The following SLC25A37 variants were observed in gnomAD, a reference collection of about 807,000 sequenced individuals.
SLC25A37 encodes the protein solute carrier family 25 member 37, also known as mitoferrin-1.
Under a neutral mutation model 31.0 loss-of-function variants are expected in SLC25A37, and 17 were observed. The observed-to-expected ratio is 0.55, with a 90% confidence interval of 0.38 to 0.82. The LOEUF (loss-of-function observed/expected upper bound fraction) is 0.82, where lower values mean the gene tolerates loss of function less well. SLC25A37 is among the 40% of genes least tolerant of loss of function. SLC25A37 has a pLI of 0.00. For synonymous variants in SLC25A37, 222 were observed against 193.0 expected (o/e 1.15, Z -1.24); for missense variants, 404 against 465.8 (o/e 0.87, Z 1.22).
intron 1 of SLC25A37, among the ~76,000 whole-genome samples, chr8:23,564,738 G>A (rs1423301270): frequency 6.6e-6 from 1 of 152,150 alleles, no homozygotes; most frequent in Non-Finnish European, 1.5e-5. Context: ...GGTCCTAGCA[G>A]ACAGAAACCA....
rs1802889433 is a variant in SLC25A37 at position 23,572,494 on chromosome 8, A to G, written c.*639A>G. On this transcript the variant is annotated 3_prime_UTR_variant, in exon 4 of 4. Transcript: ENST00000519973. ...GTGAATGTGGCCGGCAGCTGTGTTT[A>G]GCCCCTCCAGATGGAAGTTTCACTT... The G allele has an allele frequency of 6.6e-6, 1 of 152,610 alleles. No homozygotes were observed. Among genetic ancestry groups the G allele is most frequent in the Non-Finnish European group, 1.5e-5 (1 of 68,042 alleles). The allele number at this position is 152,610 out of a possible 1,614,324, so 9.5% of individuals were successfully genotyped here.
intron 1 of SLC25A37, chr8:23,531,550 A>T (rs1454347031): frequency 1.3e-5 from 2 of 152,240 alleles, no homozygotes; most frequent in African/African-American, 4.8e-5. Context: ...GAATTATTAC[A>T]GCTGAAAACA....
At chr8:23,547,389 T>C (rs1802096987) in intron 1 of SLC25A37, among the ~76,000 whole-genome samples, 1 of 152,178 alleles carries the variant, frequency 6.6e-6, no homozygotes, top group Non-Finnish European at 1.5e-5. Flanking sequence ...TTAGGGTGAA[T>C]TGTAATTAGC....
At position 23,572,315 on chromosome 8, in the gene SLC25A37, T is replaced by C. The variant is rs1802882658; in HGVS notation, c.*460T>C. The C allele has an allele frequency of 6.5e-6, 1 of 154,732 alleles. No individual in the cohort carries two copies. The highest frequency in any genetic ancestry group is 1.4e-5 in the Non-Finnish European group (1 of 69,886). The allele number at this position is 154,732 out of a possible 1,614,324, so 9.6% of individuals were successfully genotyped here. A position where few individuals can be genotyped will look rare whatever the true frequency, so the allele number is the denominator to read the frequency against. ...GGATAATGTTTATCCTTTATTTTTC[T>C]ATGTAGAAGTTTTTGAATTTGTGTG... is the stretch of plus-strand genomic sequence containing the variant. On this transcript the variant is annotated 3_prime_UTR_variant, in exon 4 of 4. Coordinates refer to ENST00000519973, the MANE Select transcript of SLC25A37 (RefSeq NM_016612.4).
intron 1 of SLC25A37, among the ~76,000 whole-genome samples, chr8:23,533,178 G>A (rs1801695662): frequency 6.6e-6 from 1 of 152,132 alleles, no homozygotes; most frequent in Non-Finnish European, 1.5e-5. Context: ...GCCATGGCCT[G>A]TACCCCTCAG....
intron 1 of SLC25A37, 73 bp from the exon 2 acceptor site, chr8:23,566,035 A>C: frequency 6.7e-7 from 1 of 1,490,610 alleles, no homozygotes; most frequent in South Asian, 1.4e-5. Flanking sequence ...CTCCTTCTCC[A>C]GGTCTTATTT....
In SLC25A37 at chr8:23,573,617, G is replaced by A. The variant is rs1411045838; in HGVS notation, c.*1762G>A. The A allele has an allele frequency of 5.1e-5, 18 of 351,638 alleles. No individual in the cohort carries two copies. Among genetic ancestry groups the A allele is most frequent in the South Asian group, 3.7e-4 (18 of 48,008 alleles). The allele number at this position is 351,638 out of a possible 1,614,324, so 21.8% of individuals were successfully genotyped here. On this transcript the variant is annotated 3_prime_UTR_variant, in exon 4 of 4. Transcript: ENST00000519973. ...TGGAGAATTTCCATCTTGGGACCAT[G>A]CACACAGTGCCTTGGGGAGTAGATT...
At chr8:23,532,859 G>T (rs946707096) in intron 1 of SLC25A37, among the ~76,000 whole-genome samples, 1 of 152,224 alleles carries the variant, frequency 6.6e-6, no homozygotes, top group Non-Finnish European at 1.5e-5. Flanking sequence ...AGGGTGCTGG[G>T]GGGCAGTGCA....
At position 23,568,395 on chromosome 8, in the gene SLC25A37, C is replaced by T; in HGVS notation, c.496+17C>T. 1 of 1,613,722 alleles carries T rather than the reference C, an allele frequency of 6.2e-7. No individual in the cohort carries two copies. Among genetic ancestry groups the T allele is most frequent in the Non-Finnish European group, 8.5e-7 (1 of 1,179,802 alleles). Reference sequence around the variant, plus strand: ...CAGCAGAAGGTAATGTTTCATGGTCCCAGGGAGGGGCAGTAGGGGATGTGC... The same window carrying T: ...CAGCAGAAGGTAATGTTTCATGGTCTCAGGGAGGGGCAGTAGGGGATGTGC... On this transcript the variant is annotated intron_variant, in intron 3 of 3. Coordinates refer to ENST00000519973, the MANE Select transcript of SLC25A37 (RefSeq NM_016612.4).
intron 3 of SLC25A37, 87 bp downstream of exon 3, chr8:23,568,465 G>A: frequency 6.7e-7 from 1 of 1,492,128 alleles, no homozygotes; most frequent in Non-Finnish European, 9.3e-7. Flanking sequence ...GAGGACTGAA[G>A]GTGGGCAGAG....
Position 23,566,356 on chromosome 8 carries a change from C to G in SLC25A37, c.439+20C>G, listed in dbSNP as rs1563266321. Reference sequence around the variant, plus strand: ...CCAACGGTATTTTGAAAGCGTTTGTCTGGAGTTAGAAAGTTCTCTTCTTCA... The same window carrying G: ...CCAACGGTATTTTGAAAGCGTTTGTGTGGAGTTAGAAAGTTCTCTTCTTCA... On this transcript the variant is annotated intron_variant, in intron 2 of 3. Transcript: ENST00000519973. 6.3e-7 allele frequency: 1 copy of G among 1,596,436 alleles called. No homozygotes were observed. The highest frequency in any genetic ancestry group is 1.8e-5 in the Admixed American group (1 of 54,106).
chr8:23,544,747 G>A (rs186788388), intron 1 of SLC25A37, among the ~76,000 whole-genome samples: 11 of 152,294 alleles, frequency 7.2e-5, no homozygotes, highest in African/African-American at 2.6e-4. Context: ...GCCATCCCCA[G>A]GGTGCCTGCA....
At chr8:23,555,175 G>A (rs1441353352) in intron 1 of SLC25A37, among the ~76,000 whole-genome samples, 3 of 152,162 alleles carry the variant, frequency 2.0e-5, no homozygotes, top group Non-Finnish European at 4.4e-5. Flanking sequence ...GCACCAGCAT[G>A]TTCACATCCT....
intron 1 of SLC25A37, among the ~76,000 whole-genome samples, chr8:23,545,741 G>C (rs192096078): frequency 6.6e-6 from 1 of 152,206 alleles, no homozygotes; most frequent in Non-Finnish European, 1.5e-5. Flanking sequence ...GCTCACACCT[G>C]TAATCCCAGC....
At chr8:23,544,590 C>A (rs576230579) in intron 1 of SLC25A37, among the ~76,000 whole-genome samples, 1 of 152,230 alleles carries the variant, frequency 6.6e-6, no homozygotes, top group South Asian at 2.1e-4. Flanking sequence ...GGATCCTGCA[C>A]CTCACGGGGA....
chr8:23,574,039 C>T lies in SLC25A37; in HGVS notation c.*2184C>T. ...CAAATTTGTAAAAAAATTATCCTAC[C>T]ACCCCTTTTGGTCCACTTAAGATAT... On this transcript the variant is annotated 3_prime_UTR_variant, in exon 4 of 4. Coordinates refer to ENST00000519973, the MANE Select transcript of SLC25A37 (RefSeq NM_016612.4). The T allele has an allele frequency of 2.8e-6, 1 of 357,744 alleles. No homozygotes were observed. The highest frequency in any genetic ancestry group is 5.7e-6 in the Non-Finnish European group (1 of 175,406). The allele number at this position is 357,744 out of a possible 1,614,324, so 22.2% of individuals were successfully genotyped here.
chr8:23,568,011 C>T lies in SLC25A37; in HGVS notation c.440-311C>T, dbSNP rs139179975. ...TTAACATCTAGACAGTGGAAAAAGC[C>T]ATGGTGTGTGGTTTCTGGGAACCAC... On this transcript the variant is annotated intron_variant, in intron 2 of 3. Transcript: ENST00000519973. 150 of 429,638 alleles carry T rather than the reference C, an allele frequency of 3.5e-4. 1 individual carries two copies. Among genetic ancestry groups the T allele is most frequent in the African/African-American group, 2.8e-3 (141 of 49,566 alleles). The allele number at this position is 429,638 out of a possible 1,614,324, so 26.6% of individuals were successfully genotyped here.
intron 3 of SLC25A37, among the ~76,000 whole-genome samples, chr8:23,570,743 G>GGT (rs1802802939): frequency 6.6e-6 from 1 of 152,168 alleles, no homozygotes; most frequent in Non-Finnish European, 1.5e-5. Context: ...CTGAGCCTAA[G>GGT]GTACCACAGT....
chr8:23,539,965 C>G (rs568020625), intron 1 of SLC25A37, among the ~76,000 whole-genome samples: 17 of 152,194 alleles, frequency 1.1e-4, no homozygotes, highest in Non-Finnish European at 1.9e-4. Context: ...GATGATACAC[C>G]TAGAATGTTA....
Sources: allele counts gnomAD v4.1 joint callset (sites outside exome capture counted in the v4.1 genomes callset), GRCh38; gene constraint gnomAD v4.1.1; transcripts MANE v1.5; gene names NCBI Gene and HGNC (gene_info 2026-07-23, HGNC 2026-07-21).